The following ACYP2 variants were observed in gnomAD, a reference collection of about 807,000 sequenced individuals.
ACYP2 encodes acylphosphatase 2, also known as acylphosphatase-2.
Under a neutral mutation model 11.2 loss-of-function variants are expected in ACYP2, and 12 were observed. The ratio of observed to expected loss-of-function variants is 1.08; its 90% CI spans 0.69 to 1.74. The LOEUF (loss-of-function observed/expected upper bound fraction) is 1.74. Among genes scored for constraint, ACYP2 ranks in the 40% most tolerant of loss-of-function variants. ACYP2 has a pLI of 0.00. For synonymous variants in ACYP2, 43 were observed against 32.2 expected (o/e 1.33, Z -1.13); for missense variants, 134 against 101.9 (o/e 1.31, Z -1.35).
At position 54,278,067 on chromosome 2, in the gene ACYP2, T is replaced by A. The variant is rs1368443319; in HGVS notation, c.405-26621T>A. Among the ~76,000 whole-genome samples the A allele has an allele frequency of 2.0e-5, 3 of 152,286 alleles. No individual in the cohort carries two copies. In the East Asian group the frequency reaches 5.8e-4, roughly 29 times the overall value. ...CACTCGGCTCACTGCAAGCTCTGCC[T>A]CCCAGGTTCATGCCATTCTCCCGCC... On this transcript the variant is annotated intron_variant, in intron 6 of 6. Coordinates refer to ENST00000607452, the MANE Select transcript of ACYP2 (RefSeq NM_001320586.2).
intron 2 of ACYP2, among the ~76,000 whole-genome samples, chr2:53,989,557 C>T (rs1426959902): frequency 1.3e-5 from 2 of 152,056 alleles, no homozygotes; most frequent in Admixed American, 6.6e-5. Flanking sequence ...TTGCTAGATT[C>T]GGGACATCTC....
intron 6 of ACYP2, among the ~76,000 whole-genome samples, chr2:54,232,261 C>A (rs918066931): frequency 2.0e-5 from 3 of 152,160 alleles, no homozygotes; most frequent in African/African-American, 7.2e-5. Context: ...CCTGACATGA[C>A]ATCTTTGTAC....
chr2:54,038,344 A>G lies in ACYP2; in HGVS notation c.63-12614A>G, dbSNP rs1385293276. On this transcript the variant is annotated intron_variant, in intron 2 of 6. Coordinates refer to ENST00000607452, the MANE Select transcript of ACYP2 (RefSeq NM_001320586.2). ...TTCCCGTCTTCTTTGCTAACACTGC[A>G]TACTCTTTGTTTTTTTTGCAAATAT... Among the ~76,000 whole-genome samples the G allele has an allele frequency of 2.0e-5, 3 of 151,976 alleles. No homozygotes were observed. In the East Asian group the frequency reaches 5.8e-4, roughly 29 times the overall value.
At chr2:54,245,019 T>A (rs1161643840) in intron 6 of ACYP2, among the ~76,000 whole-genome samples, 2 of 152,188 alleles carry the variant, frequency 1.3e-5, no homozygotes, top group African/African-American at 4.8e-5. Flanking sequence ...TTAACGTATC[T>A]CACCATCTTC....
intron 4 of ACYP2, among the ~76,000 whole-genome samples, chr2:54,074,675 A>G (rs1193764974): frequency 6.6e-6 from 1 of 152,082 alleles, no homozygotes; most frequent in Non-Finnish European, 1.5e-5. Flanking sequence ...ATGTATTTAT[A>G]TACAGAAAGA....
intron 6 of ACYP2, chr2:54,255,386 A>C (rs1573000445): frequency 1.2e-6 from 2 of 1,614,112 alleles, no homozygotes; most frequent in Non-Finnish European, 1.7e-6. Context: ...TGGTGGCGGA[A>C]AGCAGTGACC....
chr2:54,189,199 C>T (rs1572908277), intron 6 of ACYP2, among the ~76,000 whole-genome samples: 1 of 152,156 alleles, frequency 6.6e-6, no homozygotes, highest in East Asian at 1.9e-4. Flanking sequence ...ATAATCTACT[C>T]ATTTAGCAAA....
chr2:54,116,877 C>T (rs867077217), intron 4 of ACYP2, among the ~76,000 whole-genome samples: 13 of 152,072 alleles, frequency 8.5e-5, no homozygotes, highest in South Asian at 2.1e-4. Context: ...AAAGAGCAGG[C>T]GTACGAGCTC....
chr2:54,254,900 G>C, intron 6 of ACYP2: 2 of 1,598,880 alleles, frequency 1.3e-6, no homozygotes, highest in African/African-American at 2.7e-5. Context: ...TTCTGCAGGA[G>C]TAATTCCAAA....
intron 2 of ACYP2, among the ~76,000 whole-genome samples, chr2:53,995,532 C>G (rs1243451974): frequency 2.3e-5 from 3 of 132,116 alleles, no homozygotes; most frequent in Admixed American, 1.5e-4. Flanking sequence ...GAGACAGAGT[C>G]TCTTTCTGTT....
intron 6 of ACYP2, among the ~76,000 whole-genome samples, chr2:54,242,351 G>A (rs1686763596): frequency 6.6e-6 from 1 of 152,198 alleles, no homozygotes; most frequent in Admixed American, 6.5e-5. Context: ...GATGTCCTGT[G>A]ACGTCAACTG....
chr2:54,024,941 A>G (rs1053406235), intron 2 of ACYP2, among the ~76,000 whole-genome samples: 3 of 152,228 alleles, frequency 2.0e-5, no homozygotes, highest in African/African-American at 7.2e-5. Flanking sequence ...CTATACAGCA[A>G]CAGCAACCAA....
chr2:54,175,829 G>C (rs1251662573), intron 6 of ACYP2, among the ~76,000 whole-genome samples: 1 of 152,106 alleles, frequency 6.6e-6, no homozygotes, highest in African/African-American at 2.4e-5. Flanking sequence ...CTGAATGTTT[G>C]TATCCCTCCA....
intron 4 of ACYP2, among the ~76,000 whole-genome samples, chr2:54,094,893 C>A (rs935127879): frequency 1.4e-5 from 2 of 145,986 alleles, no homozygotes; most frequent in African/African-American, 2.5e-5. Flanking sequence ...TTTAAACTTC[C>A]TTTTTTTTTT....
chr2:54,248,300 C>T (rs911895363), intron 6 of ACYP2, among the ~76,000 whole-genome samples: 4 of 152,068 alleles, frequency 2.6e-5, no homozygotes, highest in African/African-American at 4.8e-5. Context: ...TTTTCATTAG[C>T]CAATTATTAT....
chr2:54,134,800 G>C (rs1183710915), intron 4 of ACYP2, among the ~76,000 whole-genome samples: 1 of 152,228 alleles, frequency 6.6e-6, no homozygotes, highest in Non-Finnish European at 1.5e-5. Flanking sequence ...GTGTATGCCT[G>C]AAACTGTGGA....
intron 6 of ACYP2, among the ~76,000 whole-genome samples, chr2:54,188,551 A>G (rs181566695): frequency 6.6e-6 from 1 of 152,296 alleles, no homozygotes; most frequent in East Asian, 1.9e-4. Context: ...ACCTTTGACA[A>G]ATACTTCTAA....
At chr2:54,253,578 G>A (rs1205339029) in intron 6 of ACYP2, 1 of 152,116 alleles carries the variant, frequency 6.6e-6, no homozygotes, top group Admixed American at 6.5e-5. Flanking sequence ...TCTTCTACGT[G>A]CATACTAAAA....
Position 54,201,672 on chromosome 2 carries a change from TTCTTTCTTTCTC to T in ACYP2, c.404+62928_404+62939del, listed in dbSNP as rs1558609141. Among the ~76,000 whole-genome samples the T allele has an allele frequency of 2.4e-3, 273 of 112,504 alleles. 1 individual carries two copies. Among genetic ancestry groups the T allele is most frequent in the African/African-American group, 8.8e-3 (257 of 29,154 alleles). 73.8% of individuals were successfully genotyped at this position (112,504 alleles called of 152,430 possible). Reference sequence around the variant, plus strand: ...TTTCTTTCTTTCTTTCTTTCTTTCTTTCTTTCTTTCTCTCTCTCTCTCTCTCTTTTTTCTTTT... The same window carrying T: ...TTTCTTTCTTTCTTTCTTTCTTTCTTTCTCTCTCTCTCTCTTTTTTCTTTT... On this transcript the variant is annotated intron_variant, in intron 6 of 6. Transcript: ENST00000607452.
Sources: allele counts gnomAD v4.1 joint callset (sites outside exome capture counted in the v4.1 genomes callset), GRCh38; gene constraint gnomAD v4.1.1; transcripts MANE v1.5; gene names NCBI Gene and HGNC (gene_info 2026-07-23, HGNC 2026-07-21).